Variants in SUPT3H observed in about 807,000 individuals in gnomAD.
SUPT3H encodes the protein SPT3 homolog, SAGA and STAGA complex component.
A neutral mutation model predicts 44.3 loss-of-function variants in SUPT3H; 44 were observed. That is an observed-to-expected ratio of 0.99 (90% CI 0.78 to 1.28). The LOEUF (loss-of-function observed/expected upper bound fraction) is 1.28. Among genes scored for constraint, SUPT3H ranks in the 50% most tolerant of loss-of-function variants. The pLI is 0.00. For synonymous variants in SUPT3H, 124 were observed against 125.6 expected, an observed-to-expected ratio of 0.99 and a Z score of 0.09; for missense variants, 380 against 387.1, an observed-to-expected ratio of 0.98 and a Z score of 0.15.
chr6:44,879,721 A>G (rs1276918971), intron 10 of SUPT3H, among the ~76,000 whole-genome samples: 1 of 152,198 alleles, frequency 6.6e-6, no homozygotes, highest in Admixed American at 6.5e-5. Flanking sequence ...TGAAGCTTCC[A>G]GAGGAAGGAA....
At chr6:44,921,913 G>C (rs536669926) in intron 10 of SUPT3H, among the ~76,000 whole-genome samples, 106 of 152,284 alleles carry the variant, frequency 7.0e-4, no homozygotes, top group African/African-American at 2.5e-3. Context: ...CCTTGAATGC[G>C]CCTGGGCAAA....
intron 2 of SUPT3H, among the ~76,000 whole-genome samples, chr6:45,311,578 C>T (rs1378788087): frequency 1.3e-5 from 2 of 152,094 alleles, no homozygotes; most frequent in African/African-American, 2.4e-5. Flanking sequence ...TACCAGGTAA[C>T]CTATAAAGGA....
In SUPT3H at chr6:45,338,330, A is replaced by G. The variant is rs761088390; in HGVS notation, c.101+26871T>C. On this transcript the variant is annotated intron_variant, in intron 2 of 10. Coordinates refer to ENST00000371459, the MANE Select transcript of SUPT3H (RefSeq NM_003599.4). Reference sequence around the variant, plus strand: ...AGGCAAACAACTTTTGAGCATTTCCAGATGTAGCTCTCATAAAAAAAAAAA... The same window carrying G: ...AGGCAAACAACTTTTGAGCATTTCCGGATGTAGCTCTCATAAAAAAAAAAA... Among the ~76,000 whole-genome samples, 5 of 147,198 alleles carry G rather than the reference A, an allele frequency of 3.4e-5. No individual in the cohort carries two copies. In the Admixed American group the frequency reaches 3.5e-4, roughly 10 times the overall value.
At position 44,887,260 on chromosome 6, in the gene SUPT3H, A is replaced by G. The variant is rs187503262; in HGVS notation, c.912+45393T>C. Among the ~76,000 whole-genome samples the G allele has an allele frequency of 8.5e-5, 13 of 152,302 alleles. No homozygotes were observed. The East Asian group carries it at 1.9e-3, about 23-fold the overall frequency. ...CAGGAATTGAACTCAGCTCTGCACC[A>G]AGCTGACCTAATAGACATCTACAGA... On this transcript the variant is annotated intron_variant, in intron 10 of 10. Coordinates refer to ENST00000371459, the MANE Select transcript of SUPT3H (RefSeq NM_003599.4).
intron 3 of SUPT3H, among the ~76,000 whole-genome samples, chr6:45,059,382 C>A (rs1267141641): frequency 6.6e-6 from 1 of 152,076 alleles, no homozygotes; most frequent in Non-Finnish European, 1.5e-5. Flanking sequence ...TGATAAAATT[C>A]AACATCCTTT....
At chr6:45,263,548 G>A (rs1187225712) in intron 2 of SUPT3H, among the ~76,000 whole-genome samples, 1 of 152,068 alleles carries the variant, frequency 6.6e-6, no homozygotes, top group Non-Finnish European at 1.5e-5. Flanking sequence ...TACTACCTGG[G>A]TGATGAGATA....
intron 2 of SUPT3H, among the ~76,000 whole-genome samples, chr6:45,171,180 T>C (rs937357495): frequency 6.6e-6 from 1 of 152,234 alleles, no homozygotes; most frequent in Non-Finnish European, 1.5e-5. Context: ...TTTTTGTATC[T>C]ATATTAGTTT....
intron 6 of SUPT3H, among the ~76,000 whole-genome samples, chr6:44,995,724 GCAC>G (rs1294357160): frequency 6.6e-6 from 1 of 151,820 alleles, no homozygotes; most frequent in Non-Finnish European, 1.5e-5. Context: ...ATATCCTTCA[GCAC>G]CACTTACAAA....
At chr6:44,861,499 G>A (rs1774659683) in intron 10 of SUPT3H, among the ~76,000 whole-genome samples, 2 of 151,788 alleles carry the variant, frequency 1.3e-5, no homozygotes, top group African/African-American at 2.4e-5. Flanking sequence ...CGATTCTCCC[G>A]CCTCAGCTTC....
intron 2 of SUPT3H, among the ~76,000 whole-genome samples, chr6:45,252,165 T>C (rs764869514): frequency 6.6e-6 from 1 of 152,126 alleles, no homozygotes. Context: ...AGACATCTCA[T>C]TTAGCTCTCA....
At chr6:45,013,995 T>G (rs1783867891) in intron 5 of SUPT3H, among the ~76,000 whole-genome samples, 1 of 152,088 alleles carries the variant, frequency 6.6e-6, no homozygotes, top group Non-Finnish European at 1.5e-5. Flanking sequence ...TAGGACAATT[T>G]CTACAGACTT....
intron 10 of SUPT3H, among the ~76,000 whole-genome samples, chr6:44,890,854 T>A (rs928996851): frequency 1.3e-5 from 2 of 151,662 alleles, no homozygotes; most frequent in Admixed American, 6.6e-5. Flanking sequence ...GGGACATGGA[T>A]GAAGCTAGAA....
intron 2 of SUPT3H, among the ~76,000 whole-genome samples, chr6:45,258,363 C>T (rs1773759289): frequency 6.6e-6 from 1 of 152,158 alleles, no homozygotes; most frequent in Non-Finnish European, 1.5e-5. Flanking sequence ...AGGGGAAAAA[C>T]ATTCAAACCA....
At chr6:44,905,097 G>A (rs1473626094) in intron 10 of SUPT3H, among the ~76,000 whole-genome samples, 2 of 151,958 alleles carry the variant, frequency 1.3e-5, no homozygotes, top group South Asian at 2.1e-4. Context: ...TACCATTCAG[G>A]ACATAGGCAT....
intron 10 of SUPT3H, among the ~76,000 whole-genome samples, chr6:44,858,844 C>T (rs1208770460): frequency 2.6e-5 from 4 of 152,154 alleles, no homozygotes; most frequent in Non-Finnish European, 4.4e-5. Flanking sequence ...TGCTATAATA[C>T]ATTTTGCCTG....
rs1199271037 is a variant in SUPT3H, at chr6:45,115,057, A to G, written c.102-9051T>C. Among the ~76,000 whole-genome samples, 7 of 152,198 alleles carry G rather than the reference A, an allele frequency of 4.6e-5. No individual in the cohort carries two copies. The East Asian group carries it at 7.7e-4, about 17-fold the overall frequency. On this transcript the variant is annotated intron_variant, in intron 2 of 10. Transcript: ENST00000371459. ...AATTTAGTCAAAAAACTAACTTCCT[A>G]TAACATTGAAAACAGATACACTGTA...
At chr6:44,908,761 A>AT (rs1766529630) in intron 10 of SUPT3H, among the ~76,000 whole-genome samples, 1 of 151,580 alleles carries the variant, frequency 6.6e-6, no homozygotes, top group South Asian at 2.1e-4. Flanking sequence ...CATATCAGAC[A>AT]TGTAGGCCAC....
chr6:45,294,025 A>G (rs991774249), intron 2 of SUPT3H, among the ~76,000 whole-genome samples: 2 of 152,160 alleles, frequency 1.3e-5, no homozygotes, highest in African/African-American at 2.4e-5. Flanking sequence ...AGGAAAGGAC[A>G]TAACCAAAAA....
intron 2 of SUPT3H, chr6:45,321,737 T>C: frequency 8.3e-7 from 1 of 1,199,120 alleles, no homozygotes; most frequent in Admixed American, 1.8e-5. Context: ...ACATTCTCTC[T>C]TCTACCCATA....
Sources: allele counts gnomAD v4.1 joint callset (sites outside exome capture counted in the v4.1 genomes callset), GRCh38; gene constraint gnomAD v4.1.1; transcripts MANE v1.5; gene names NCBI Gene and HGNC (gene_info 2026-07-23, HGNC 2026-07-21).